ADAMTS6: variants seen among roughly 807,000 people sequenced by gnomAD.
ADAMTS6 encodes A disintegrin and metalloproteinase with thrombospondin motifs 6.
ADAMTS6 carries 23 observed loss-of-function variants against 144.3 expected under a neutral mutation model. The observed-to-expected ratio is 0.16, with a 90% confidence interval of 0.11 to 0.23. ADAMTS6 has a LOEUF of 0.23. Among genes scored for constraint, ADAMTS6 ranks in the 10% least tolerant of loss-of-function variants. ADAMTS6 has a pLI of 1.00. For synonymous variants in ADAMTS6, 444 were observed against 457.5 expected, an observed-to-expected ratio of 0.97 and a Z score of 0.38; for missense variants, 999 against 1,379.6, an observed-to-expected ratio of 0.72 and a Z score of 4.37.
chr5:65,322,212 G>A (rs1490538757), intron 9 of ADAMTS6, among the ~76,000 whole-genome samples: 1 of 152,112 alleles, frequency 6.6e-6, no homozygotes, highest in Non-Finnish European at 1.5e-5. Flanking sequence ...TCTCTATTCT[G>A]TTCCATTGGT....
At chr5:65,226,363 T>A in intron 15 of ADAMTS6, 144 bp from the exon 16 acceptor site, 1 of 812,472 alleles carries the variant, frequency 1.2e-6, no homozygotes, top group Non-Finnish European at 1.7e-6. Flanking sequence ...TTCCCCCTTT[T>A]CTAAAATTTC....
intron 7 of ADAMTS6, chr5:65,415,693 G>A (rs549439930): frequency 2.6e-5 from 6 of 231,040 alleles, no homozygotes; most frequent in East Asian, 2.9e-4. Context: ...GCAGACCTAC[G>A]CTGGCCAGAA....
At chr5:65,477,239 G>C (rs958910367) in intron 1 of ADAMTS6, among the ~76,000 whole-genome samples, 1 of 152,024 alleles carries the variant, frequency 6.6e-6, no homozygotes, top group African/African-American at 2.4e-5. Flanking sequence ...GGAGTGTTTT[G>C]AGTAATAACA....
chr5:65,215,694 A>G (rs1416436242), intron 18 of ADAMTS6, among the ~76,000 whole-genome samples: 1 of 152,244 alleles, frequency 6.6e-6, no homozygotes, highest in African/African-American at 2.4e-5. Context: ...TGTCACTAAT[A>G]GAAAGCAACG....
chr5:65,334,326 TG>T (rs1272758537), intron 7 of ADAMTS6, among the ~76,000 whole-genome samples: 2 of 152,170 alleles, frequency 1.3e-5, no homozygotes, highest in Non-Finnish European at 2.9e-5. Context: ...AAGGTTAAAG[TG>T]GATTTTTGTA....
chr5:65,274,170 A>G (rs1017127905), intron 11 of ADAMTS6, among the ~76,000 whole-genome samples: 12 of 152,120 alleles, frequency 7.9e-5, no homozygotes, highest in African/African-American at 2.9e-4. Context: ...ACTTATTCTA[A>G]TATTGACAAT....
At chr5:65,240,247 G>T (rs944909169) in intron 15 of ADAMTS6, among the ~76,000 whole-genome samples, 3 of 152,048 alleles carry the variant, frequency 2.0e-5, no homozygotes, top group Admixed American at 2.0e-4. Context: ...TGGGCTTACA[G>T]GTGTCTGCTA....
intron 7 of ADAMTS6, among the ~76,000 whole-genome samples, chr5:65,419,335 G>A (rs1755817170): frequency 6.6e-6 from 1 of 152,150 alleles, no homozygotes; most frequent in East Asian, 1.9e-4. Context: ...TTATAGGTGG[G>A]AGCTAAATAT....
In ADAMTS6 at chr5:65,158,658, C is replaced by A. The variant is rs376767866; in HGVS notation, c.3245-6713G>T. Among the ~76,000 whole-genome samples, 21 of 152,242 alleles carry A rather than the reference C, an allele frequency of 1.4e-4. No individual in the cohort carries two copies. The South Asian group carries it at 2.7e-3, about 20-fold the overall frequency. ...GAGTAGTATTGCAAATGTACTGATA[C>A]CCAGGGTGGCTTTAATTCACTTTTA... On this transcript the variant is annotated intron_variant, in intron 24 of 24. Coordinates refer to ENST00000381055, the MANE Select transcript of ADAMTS6 (RefSeq NM_197941.4).
intron 11 of ADAMTS6, among the ~76,000 whole-genome samples, chr5:65,276,244 T>C (rs1242984782): frequency 6.6e-6 from 1 of 152,186 alleles, no homozygotes; most frequent in Non-Finnish European, 1.5e-5. Flanking sequence ...CCACTTCTAA[T>C]GCATTTTGTT....
In ADAMTS6 at chr5:65,332,320, G is replaced by T. The variant is rs1007622543; in HGVS notation, c.1117+1722C>A. Among the ~76,000 whole-genome samples, 884 of 145,384 alleles carry T rather than the reference G, an allele frequency of 6.1e-3. 4 individuals carry two copies. Among genetic ancestry groups the T allele is most frequent in the Non-Finnish European group, 8.4e-3 (554 of 65,582 alleles). On this transcript the variant is annotated intron_variant, in intron 8 of 24. Transcript: ENST00000381055. ...ATATATATATATATATATAGAGAGA[G>T]AGAGAGAGAGAGAGAGAGAGTGTAT... is the stretch of plus-strand genomic sequence containing the variant.
At position 65,164,141 on chromosome 5, in the gene ADAMTS6, T is replaced by G. The variant is rs556824257; in HGVS notation, c.3244+6476A>C. Among the ~76,000 whole-genome samples the G allele has an allele frequency of 1.4e-3, 212 of 151,732 alleles. 2 individuals carry two copies. The highest frequency in any genetic ancestry group is 4.9e-3 in the African/African-American group (204 of 41,322). On this transcript the variant is annotated intron_variant, in intron 24 of 24. Coordinates refer to ENST00000381055, the MANE Select transcript of ADAMTS6 (RefSeq NM_197941.4). ...GTACCGGGTTAATCTCACTAGGGAG[T>G]GCCAGACAGTGGGCGCAGGCCAGTG...
chr5:65,326,939 T>C (rs756050834), intron 9 of ADAMTS6, among the ~76,000 whole-genome samples: 2 of 152,148 alleles, frequency 1.3e-5, no homozygotes, highest in Non-Finnish European at 2.9e-5. Flanking sequence ...AAAAATAGTA[T>C]GTTGATATAG....
In ADAMTS6 at chr5:65,242,268, T is replaced by C. The variant is rs892007573; in HGVS notation, c.1831-62A>G. The C allele has an allele frequency of 2.3e-6, 3 of 1,285,304 alleles. No individual in the cohort carries two copies. The Admixed American group carries it at 6.1e-5, about 26-fold the overall frequency. 79.6% of individuals were successfully genotyped at this position (1,285,304 alleles called of 1,614,324 possible). A position where few individuals can be genotyped will look rare whatever the true frequency, so the allele number is the denominator to read the frequency against. On this transcript the variant is annotated intron_variant, in intron 14 of 24. Coordinates refer to ENST00000381055, the MANE Select transcript of ADAMTS6 (RefSeq NM_197941.4). ...GGAAAATACCAAAAGCAAGGGACAA[T>C]GTCCCTAAAATGAACTCCATCAAAT...
intron 20 of ADAMTS6, among the ~76,000 whole-genome samples, chr5:65,197,606 A>T (rs1205318916): frequency 6.6e-6 from 1 of 152,146 alleles, no homozygotes; most frequent in East Asian, 1.9e-4. Context: ...AATCCCATCT[A>T]TTTAGTTTTT....
At chr5:65,329,544 A>G (rs1157003018) in intron 8 of ADAMTS6, 61 bp from the exon 9 acceptor site, 12 of 1,362,360 alleles carry the variant, frequency 8.8e-6, no homozygotes, top group Non-Finnish European at 1.2e-5. Flanking sequence ...TTAAAAGCCT[A>G]TATTTATAAA....
At chr5:65,435,827 T>C in intron 7 of ADAMTS6, among the ~76,000 whole-genome samples, 1 of 152,018 alleles carries the variant, frequency 6.6e-6, no homozygotes, top group Admixed American at 6.6e-5. Context: ...GATTTCACCA[T>C]ATTGGCCAGG....
chr5:65,319,490 G>C (rs920466846), intron 9 of ADAMTS6, among the ~76,000 whole-genome samples: 1 of 146,650 alleles, frequency 6.8e-6, no homozygotes, highest in Non-Finnish European at 1.5e-5. Context: ...GACCAGCCTG[G>C]GAAACATGGT....
intron 7 of ADAMTS6, among the ~76,000 whole-genome samples, chr5:65,337,372 T>C (rs1284817815): frequency 6.6e-6 from 1 of 152,122 alleles, no homozygotes; most frequent in African/African-American, 2.4e-5. Context: ...TATTTTACCT[T>C]TTTCAATTTC....
Sources: gnomAD v4.1 joint callset for allele counts (sites outside exome capture counted in the v4.1 genomes callset) on GRCh38, gnomAD v4.1.1 for gene constraint, MANE v1.5 for transcripts, NCBI Gene and HGNC (gene_info 2026-07-23, HGNC 2026-07-21) for gene names.